The following OPCML variants were observed in gnomAD, a reference collection of about 807,000 sequenced individuals.
The protein encoded by OPCML is opioid binding protein/cell adhesion molecule like, also known as opioid-binding protein/cell adhesion molecule.
A neutral mutation model predicts 37.8 loss-of-function variants in OPCML; 13 were observed. The ratio of observed to expected loss-of-function variants is 0.34; its 90% CI spans 0.22 to 0.55. The LOEUF is 0.55. OPCML is among the 20% of genes least tolerant of loss of function. The pLI is 0.91. For missense variants in OPCML, 341 were observed against 435.6 expected (o/e 0.78, Z 1.93); for synonymous variants, 176 against 168.8 (o/e 1.04, Z -0.33).
At chr11:132,939,001 C>A (rs1180674828) in intron 2 of OPCML, among the ~76,000 whole-genome samples, 1 of 152,142 alleles carries the variant, frequency 6.6e-6, no homozygotes, top group African/African-American at 2.4e-5. Context: ...AGGTTAGTGC[C>A]ACCACTGGAG....
At chr11:132,596,301 A>G (rs2096492325) in intron 3 of OPCML, among the ~76,000 whole-genome samples, 1 of 152,230 alleles carries the variant, frequency 6.6e-6, no homozygotes, top group Non-Finnish European at 1.5e-5. Context: ...GGGTTTGAAC[A>G]GACATATGTC....
At chr11:133,463,119 C>CAA (rs558107695) in intron 1 of OPCML, among the ~76,000 whole-genome samples, 4,196 of 49,718 alleles carry the variant, frequency 0.084, 384 homozygotes, top group African/African-American at 0.2. Flanking sequence ...ACATCAGGCT[C>CAA]AAAAAAAAAA....
At chr11:132,903,912 G>A (rs951682254) in intron 2 of OPCML, among the ~76,000 whole-genome samples, 2 of 152,210 alleles carry the variant, frequency 1.3e-5, no homozygotes, top group Non-Finnish European at 2.9e-5. Flanking sequence ...TTAAATTGTA[G>A]TTCAAAGATT....
At chr11:133,009,338 T>G in intron 1 of OPCML, 1 of 508,226 alleles carries the variant, frequency 2.0e-6, no homozygotes, top group Non-Finnish European at 2.5e-6. Context: ...ATAAAAAAGA[T>G]GTTCACAGTC....
chr11:133,410,985 C>G (rs1406305279), intron 1 of OPCML, among the ~76,000 whole-genome samples: 2 of 152,200 alleles, frequency 1.3e-5, no homozygotes, highest in Non-Finnish European at 2.9e-5. Flanking sequence ...CCATTGCTTC[C>G]TCAAGCATCT....
Position 133,328,973 on chromosome 11 carries a change from A to G in OPCML, c.61+203291T>C, listed in dbSNP as rs184823533. 5.9e-5 allele frequency among the ~76,000 whole-genome samples: 9 copies of G among 152,352 alleles called. No individual in the cohort carries two copies. In the South Asian group the frequency reaches 1.4e-3, roughly 25 times the overall value. ...CAAAATCGCCTCAAGCTGATAAGCA[A>G]CTTCAGCAAAGTCTCAGGATACAAA... On this transcript the variant is annotated intron_variant, in intron 1 of 7. Coordinates refer to ENST00000524381, the MANE Select transcript of OPCML (RefSeq NM_001012393.5).
intron 1 of OPCML, among the ~76,000 whole-genome samples, chr11:133,155,268 G>T (rs1263927246): frequency 6.6e-6 from 1 of 152,024 alleles, no homozygotes; most frequent in Non-Finnish European, 1.5e-5. Context: ...TCTACATTTG[G>T]AGTTCTCTTT....
intron 2 of OPCML, among the ~76,000 whole-genome samples, chr11:132,813,273 C>T (rs766258964): frequency 6.6e-6 from 1 of 152,174 alleles, no homozygotes; most frequent in African/African-American, 2.4e-5. Flanking sequence ...AACAGTGTCT[C>T]AATTATAACT....
chr11:133,413,045 A>G (rs912441941), intron 1 of OPCML, among the ~76,000 whole-genome samples: 2 of 152,178 alleles, frequency 1.3e-5, no homozygotes, highest in African/African-American at 4.8e-5. Flanking sequence ...GCTGACCCAT[A>G]GAACTTCTGC....
At chr11:133,503,769 C>T (rs145549518) in intron 1 of OPCML, among the ~76,000 whole-genome samples, 1 of 152,154 alleles carries the variant, frequency 6.6e-6, no homozygotes, top group African/African-American at 2.4e-5. Flanking sequence ...TGACTTCTAT[C>T]TCAAAGATGA....
At chr11:133,341,143 C>T (rs925129099) in intron 1 of OPCML, among the ~76,000 whole-genome samples, 8 of 152,176 alleles carry the variant, frequency 5.3e-5, no homozygotes, top group Non-Finnish European at 1.2e-4. Flanking sequence ...TCCTGAATCC[C>T]CCATACCTAG....
intron 1 of OPCML, among the ~76,000 whole-genome samples, chr11:133,116,933 C>CT (rs1949344511): frequency 2.6e-5 from 4 of 151,894 alleles, no homozygotes; most frequent in Admixed American, 1.3e-4. Flanking sequence ...TTTGATTCCA[C>CT]CTTTTATTCT....
chr11:133,519,040 G>A (rs1179760286), intron 1 of OPCML, among the ~76,000 whole-genome samples: 2 of 152,050 alleles, frequency 1.3e-5, no homozygotes, highest in Admixed American at 1.3e-4. Context: ...CATCCTGAGG[G>A]CTCAGGATTC....
intron 2 of OPCML, among the ~76,000 whole-genome samples, chr11:132,852,612 A>G (rs1006050044): frequency 2.8e-5 from 4 of 140,420 alleles, no homozygotes; most frequent in Non-Finnish European, 6.0e-5. Flanking sequence ...CACAAAGGAG[A>G]AAAAAAAAAG....
rs2096352487 is a variant in OPCML, at chr11:132,540,152, AAG to A, written c.380-10968_380-10967del. On this transcript the variant is annotated intron_variant, in intron 3 of 7. Coordinates refer to ENST00000524381, the MANE Select transcript of OPCML (RefSeq NM_001012393.5). ...CAGTAATAGGAGAGAGATGAGCTGA[AAG>A]AGAGAGATTTGAGTGACATTTGGGA... Among the ~76,000 whole-genome samples the A allele has an allele frequency of 2.6e-5, 4 of 152,302 alleles. No homozygotes were observed. The South Asian group carries it at 6.2e-4, about 24-fold the overall frequency.
At chr11:133,314,669 C>A (rs1592193520) in intron 1 of OPCML, among the ~76,000 whole-genome samples, 1 of 152,192 alleles carries the variant, frequency 6.6e-6, no homozygotes, top group Admixed American at 6.5e-5. Context: ...GGAAGAGGCC[C>A]TGATGTTGAC....
At chr11:133,417,197 C>T (rs1201098251) in intron 1 of OPCML, among the ~76,000 whole-genome samples, 1 of 152,104 alleles carries the variant, frequency 6.6e-6, no homozygotes. Context: ...GCCACCCTAG[C>T]AAATTAATTG....
chr11:132,941,960 T>G (rs1482404608), intron 2 of OPCML, among the ~76,000 whole-genome samples: 1 of 152,180 alleles, frequency 6.6e-6, no homozygotes, highest in Non-Finnish European at 1.5e-5. Flanking sequence ...GCATTTTGGC[T>G]GCAGAATCTG....
At chr11:132,439,692 C>A (rs911076283) in intron 4 of OPCML, among the ~76,000 whole-genome samples, 5 of 82,142 alleles carry the variant, frequency 6.1e-5, no homozygotes, top group Admixed American at 1.9e-4. Context: ...TTCCAGACAC[C>A]TCGCCATTTT....
Sources: gnomAD v4.1 joint callset for allele counts (sites outside exome capture counted in the v4.1 genomes callset) on GRCh38, gnomAD v4.1.1 for gene constraint, MANE v1.5 for transcripts, NCBI Gene and HGNC (gene_info 2026-07-23, HGNC 2026-07-21) for gene names.